The following TNRC6B variants were observed in gnomAD, a reference collection of about 807,000 sequenced individuals.
TNRC6B encodes trinucleotide repeat containing adaptor 6B, also known as trinucleotide repeat-containing gene 6B protein.
Under a neutral mutation model 203.6 loss-of-function variants are expected in TNRC6B, and 52 were observed. That is an observed-to-expected ratio of 0.26 (90% CI 0.20 to 0.32). TNRC6B has a LOEUF of 0.32. Ranked by LOEUF, TNRC6B falls within the 10% of genes least tolerant of loss-of-function variation. The pLI is 1.00. For synonymous variants in TNRC6B, 838 were observed against 845.7 expected, an observed-to-expected ratio of 0.99 and a Z score of 0.16; for missense variants, 1,923 against 2,286.2, an observed-to-expected ratio of 0.84 and a Z score of 3.24.
At chr22:40,164,608 C>A (rs1236856279) in intron 4 of TNRC6B, among the ~76,000 whole-genome samples, 2 of 147,578 alleles carry the variant, frequency 1.4e-5, no homozygotes, top group African/African-American at 2.5e-5. Flanking sequence ...ACTACAAATA[C>A]AAAATTAGCC....
intron 5 of TNRC6B, among the ~76,000 whole-genome samples, chr22:40,269,126 C>CTTTTTTTTTTTTTTTTTTTTTTTTT (rs35575346): frequency 1.7e-5 from 1 of 57,854 alleles, no homozygotes; most frequent in Non-Finnish European, 3.1e-5. Flanking sequence ...TACAGTATTT[C>CTTTTTTTTTTTTTTTTTTTTTTTTT]TTTTTTTTTT....
intron 1 of TNRC6B, among the ~76,000 whole-genome samples, chr22:40,224,371 CTATCTTTCCTTTTCTGTG>C (rs1438243815): frequency 6.6e-6 from 1 of 152,134 alleles, no homozygotes; most frequent in African/African-American, 2.4e-5. Flanking sequence ...TCTTAGGAGG[CTATCTTTCCTTTTCTGTG>C]AACTGTCTGT....
At chr22:40,058,675 C>T (rs1313643467) in intron 1 of TNRC6B, among the ~76,000 whole-genome samples, 3 of 152,198 alleles carry the variant, frequency 2.0e-5, no homozygotes, top group Non-Finnish European at 4.4e-5. Flanking sequence ...GAGAGGGGCC[C>T]CTACTTCACC....
At chr22:40,215,969 A>T (rs187091828) in intron 1 of TNRC6B, among the ~76,000 whole-genome samples, 1 of 152,316 alleles carries the variant, frequency 6.6e-6, no homozygotes, top group Admixed American at 6.5e-5. Flanking sequence ...GTGGATTCCT[A>T]TGCTCTCAGG....
intron 1 of TNRC6B, among the ~76,000 whole-genome samples, chr22:40,202,854 A>G (rs540778301): frequency 1.3e-5 from 2 of 152,230 alleles, no homozygotes; most frequent in African/African-American, 4.8e-5. Context: ...CTCCAAAGTT[A>G]CAGCTTGTCA....
chr22:40,295,745 A>G (rs756217110), intron 12 of TNRC6B, among the ~76,000 whole-genome samples: 3 of 152,190 alleles, frequency 2.0e-5, no homozygotes, highest in Non-Finnish European at 4.4e-5. Context: ...AAAATGAGGT[A>G]GATTAAAAGA....
chr22:40,217,972 C>CAAAA (rs138025), intron 1 of TNRC6B, among the ~76,000 whole-genome samples: 2,410 of 112,560 alleles, frequency 0.021, 51 homozygotes, highest in Non-Finnish European at 0.029. Context: ...GACTCCATCT[C>CAAAA]AAAAAAAAAA....
intron 1 of TNRC6B, among the ~76,000 whole-genome samples, chr22:40,073,852 G>A (rs1406476551): frequency 6.6e-6 from 1 of 152,138 alleles, no homozygotes; most frequent in African/African-American, 2.4e-5. Context: ...GATGTCAGGA[G>A]TTCGAGACCA....
intron 1 of TNRC6B, among the ~76,000 whole-genome samples, chr22:40,104,273 C>A (rs146850225): frequency 6.6e-6 from 1 of 152,116 alleles, no homozygotes; most frequent in East Asian, 2.0e-4. Context: ...AAATGGTTTT[C>A]ATAGTCATTA....
At position 40,076,847 on chromosome 22, in the gene TNRC6B, T is replaced by C. The variant is rs1398457941; in HGVS notation, c.-121+31849T>C. On this transcript the variant is annotated intron_variant, in intron 1 of 23. Coordinates refer to the TNRC6B transcript ENST00000301923. ...TGTGTATCTTTAAAGCCTTAAAAAA[T>C]ATCCACATACCCTGTGACCCAGCAA... 3.3e-5 allele frequency among the ~76,000 whole-genome samples: 5 copies of C among 152,232 alleles called. No homozygotes were observed. The South Asian group carries it at 6.2e-4, about 19-fold the overall frequency.
At chr22:40,293,674 T>G (rs1214235166) in intron 12 of TNRC6B, among the ~76,000 whole-genome samples, 1 of 151,956 alleles carries the variant, frequency 6.6e-6, no homozygotes, top group African/African-American at 2.4e-5. Flanking sequence ...TGTTACTGTG[T>G]CTCCCATGCT....
intron 21 of TNRC6B, among the ~76,000 whole-genome samples, chr22:40,319,880 A>G (rs2071312653): frequency 6.6e-6 from 1 of 152,182 alleles, no homozygotes; most frequent in Non-Finnish European, 1.5e-5. Flanking sequence ...CCTCAGATAA[A>G]AGGGGACTAC....
intron 2 of TNRC6B, among the ~76,000 whole-genome samples, chr22:40,124,337 T>A (rs1379411016): frequency 6.6e-6 from 1 of 151,504 alleles, no homozygotes; most frequent in African/African-American, 2.4e-5. Context: ...TTTTTTTTTT[T>A]TTTGAGACAG....
intron 1 of TNRC6B, among the ~76,000 whole-genome samples, chr22:40,219,442 G>C (rs1203101231): frequency 6.6e-6 from 1 of 152,102 alleles, no homozygotes; most frequent in Non-Finnish European, 1.5e-5. Flanking sequence ...AGGCCAGCAG[G>C]AGGGTGGAAG....
chr22:40,234,754 C>T (rs928698356), intron 1 of TNRC6B, among the ~76,000 whole-genome samples: 2 of 152,092 alleles, frequency 1.3e-5, no homozygotes, highest in African/African-American at 4.8e-5. Context: ...ATGTTGTTTT[C>T]TTCTTATAAG....
At chr22:40,143,303 C>T (rs1452480583) in intron 3 of TNRC6B, among the ~76,000 whole-genome samples, 1 of 152,020 alleles carries the variant, frequency 6.6e-6, no homozygotes, top group Non-Finnish European at 1.5e-5. Flanking sequence ...TGTGGTGATG[C>T]ACTCCTGTAG....
At chr22:40,227,075 AATTATT>A (rs66592054) in intron 1 of TNRC6B, among the ~76,000 whole-genome samples, 10,301 of 136,934 alleles carry the variant, frequency 0.075, 929 homozygotes, top group African/African-American at 0.22. Context: ...ACACCCAGCT[AATTATT>A]ATTATTATTA....
In TNRC6B at chr22:40,331,553, C is replaced by A. The variant is rs1179446041; in HGVS notation, c.*8312C>A. On this transcript the variant is annotated 3_prime_UTR_variant, in exon 23 of 23. Transcript: ENST00000454349. ...GACACAGGGAGGAGAGATGCTGCTT[C>A]TGCGCTTTGCTCTCATTCCTCTCTC... The A allele has an allele frequency of 5.4e-6, 2 of 372,962 alleles. No homozygotes were observed. Among genetic ancestry groups the A allele is most frequent in the Non-Finnish European group, 9.6e-6 (2 of 209,062 alleles). The allele number at this position is 372,962 out of a possible 1,614,324, so 23.1% of individuals were successfully genotyped here. A position where few individuals can be genotyped will look rare whatever the true frequency, so the allele number is the denominator to read the frequency against.
Position 40,324,493 on chromosome 22 carries a change from A to G in TNRC6B, c.*1252A>G, listed in dbSNP as rs924231417. 2 of 152,656 alleles carry G rather than the reference A, an allele frequency of 1.3e-5. No individual in the cohort carries two copies. Among genetic ancestry groups the G allele is most frequent in the Admixed American group, 1.3e-4 (2 of 15,284 alleles). The allele number at this position is 152,656 out of a possible 1,614,324, so 9.5% of individuals were successfully genotyped here. A position where few individuals can be genotyped will look rare whatever the true frequency, so the allele number is the denominator to read the frequency against. ...AAAAAATTAGGTGAAGTTGAGTTAC[A>G]TATTTCTGTTGGTTGGTTCTCTTTT... On this transcript the variant is annotated 3_prime_UTR_variant, in exon 23 of 23. Transcript: ENST00000454349.
Sources: allele counts gnomAD v4.1 joint callset (sites outside exome capture counted in the v4.1 genomes callset), GRCh38; gene constraint gnomAD v4.1.1; transcripts MANE v1.5; gene names NCBI Gene and HGNC (gene_info 2026-07-23, HGNC 2026-07-21).